ADAM23: variants seen among roughly 807,000 people sequenced by gnomAD.
ADAM23 encodes the protein ADAM metallopeptidase domain 23, also known as disintegrin and metalloproteinase domain-containing protein 23.
A neutral mutation model predicts 120.1 loss-of-function variants in ADAM23; 33 were observed. The observed-to-expected ratio is 0.27, with a 90% CI of 0.21 to 0.37. ADAM23 has a LOEUF of 0.37. Ranked by LOEUF, ADAM23 falls within the 10% of genes least tolerant of loss-of-function variation. The probability of loss-of-function intolerance (pLI) is 1.00; values close to 1 mark genes in which losing one functional copy is unlikely to be tolerated. For missense variants in ADAM23, 862 were observed against 1,058.2 expected (o/e 0.81, Z 2.57); for synonymous variants, 367 against 375.2 (o/e 0.98, Z 0.25).
chr2:206,456,146 A>T (rs1031440395), intron 2 of ADAM23, among the ~76,000 whole-genome samples: 3 of 152,152 alleles, frequency 2.0e-5, no homozygotes, highest in Non-Finnish European at 4.4e-5. Context: ...ACAGTTCCGT[A>T]AGCTATACAG....
intron 4 of ADAM23, among the ~76,000 whole-genome samples, chr2:206,538,462 T>C (rs1482195096): frequency 6.6e-6 from 1 of 152,180 alleles, no homozygotes; most frequent in African/African-American, 2.4e-5. Context: ...TCAGTAGTTT[T>C]TATTATTGTA....
chr2:206,509,664 G>A lies in ADAM23; in HGVS notation c.510-21221G>A, dbSNP rs189753656. Among the ~76,000 whole-genome samples the A allele has an allele frequency of 1.8e-3, 281 of 152,274 alleles. 2 individuals carry two copies. The highest frequency in any genetic ancestry group is 0.01 in the South Asian group (50 of 4,820). ...GGATTTCACCATGTTGGTTAGGCAC[G>A]TCTCAAACTCCTGACCTCAGGTGAT... is the stretch of plus-strand genomic sequence containing the variant. On this transcript the variant is annotated intron_variant, in intron 3 of 25. Transcript: ENST00000264377.
At chr2:206,539,405 C>T (rs911922249) in intron 4 of ADAM23, among the ~76,000 whole-genome samples, 6 of 152,194 alleles carry the variant, frequency 3.9e-5, no homozygotes, top group Admixed American at 6.5e-5. Context: ...TGACCCACTC[C>T]TAGGTGGTCA....
In ADAM23 at chr2:206,570,505, C is replaced by T. The variant is rs377730269; in HGVS notation, c.1495-235C>T. Among the ~76,000 whole-genome samples the T allele has an allele frequency of 3.4e-4, 51 of 152,216 alleles. 3 individuals carry two copies. Among genetic ancestry groups the T allele is most frequent in the East Asian group, 3.1e-3 (16 of 5,186 alleles). On this transcript the variant is annotated intron_variant, in intron 15 of 25. Coordinates refer to ENST00000264377, the MANE Select transcript of ADAM23 (RefSeq NM_003812.4). ...AATGCTAGAGTTCATCTGTGGAGCC[C>T]ACAGCCAGAGAATCCCCCAAGAGAT...
chr2:206,490,600 G>A (rs1480868675), intron 3 of ADAM23, among the ~76,000 whole-genome samples: 1 of 152,184 alleles, frequency 6.6e-6, no homozygotes, highest in East Asian at 1.9e-4. Context: ...ACTGTGCTGT[G>A]TGCAATATGA....
At chr2:206,541,425 TAGTC>T (rs1195395747) in intron 4 of ADAM23, among the ~76,000 whole-genome samples, 4 of 152,108 alleles carry the variant, frequency 2.6e-5, no homozygotes, top group Non-Finnish European at 4.4e-5. Context: ...AAAATGGAAT[TAGTC>T]AGAACATAAA....
rs1297928830 is a variant in ADAM23, at chr2:206,615,908, G to A, written c.2451-1671G>A. On this transcript the variant is annotated intron_variant, in intron 25 of 25. Coordinates refer to ENST00000264377, the MANE Select transcript of ADAM23 (RefSeq NM_003812.4). ...ACGACCTTGGACATGGCTACTTATCGGTCATTCCCGAATTTGAATAAAGGA... is the reference window on the plus strand; with the variant it reads ...ACGACCTTGGACATGGCTACTTATCAGTCATTCCCGAATTTGAATAAAGGA... 3.9e-5 allele frequency among the ~76,000 whole-genome samples: 6 copies of A among 152,180 alleles called. No homozygotes were observed. In the South Asian group the frequency reaches 1.0e-3, roughly 26 times the overall value.
chr2:206,611,659 C>T (rs375193443), intron 25 of ADAM23, among the ~76,000 whole-genome samples: 25 of 152,262 alleles, frequency 1.6e-4, no homozygotes, highest in African/African-American at 5.8e-4. Context: ...ATATGCAATG[C>T]CAAATTTATC....
intron 25 of ADAM23, among the ~76,000 whole-genome samples, chr2:206,615,674 A>G (rs1283421966): frequency 2.6e-5 from 4 of 152,218 alleles, no homozygotes; most frequent in African/African-American, 9.6e-5. Flanking sequence ...TCATCCAGAA[A>G]GATACAGTTC....
chr2:206,497,574 TC>T (rs1441879615), intron 3 of ADAM23, among the ~76,000 whole-genome samples: 2 of 152,078 alleles, frequency 1.3e-5, no homozygotes, highest in Non-Finnish European at 2.9e-5. Flanking sequence ...CTGGAAGCAT[TC>T]CCTTTGAAAA....
In ADAM23 at chr2:206,583,768, T is replaced by G. The variant is rs1004437830; in HGVS notation, c.1738-3557T>G. Among the ~76,000 whole-genome samples, 3 of 152,300 alleles carry G rather than the reference T, an allele frequency of 2.0e-5. No homozygotes were observed. In the East Asian group the frequency reaches 5.8e-4, roughly 29 times the overall value. On this transcript the variant is annotated intron_variant, in intron 18 of 25. Transcript: ENST00000264377. ...TGAATATTTCTCCCTTCTTCCATCA[T>G]TTTTTGGATTTCCTTGCTTTTGGCT...
At chr2:206,576,335 T>G (rs1698111561) in intron 18 of ADAM23, among the ~76,000 whole-genome samples, 1 of 152,114 alleles carries the variant, frequency 6.6e-6, no homozygotes, top group Non-Finnish European at 1.5e-5. Context: ...TTTAACTCTT[T>G]AAGTGCCATA....
chr2:206,526,534 G>A (rs1198460044), intron 3 of ADAM23, among the ~76,000 whole-genome samples: 11 of 152,142 alleles, frequency 7.2e-5, no homozygotes, highest in Non-Finnish European at 1.5e-4. Context: ...ATGCCATCTG[G>A]AGCATGTGGC....
chr2:206,447,052 C>G (rs757991254), intron 2 of ADAM23, among the ~76,000 whole-genome samples: 1 of 152,192 alleles, frequency 6.6e-6, no homozygotes, highest in South Asian at 2.1e-4. Flanking sequence ...AAAGAATGCT[C>G]AAGCCCTCCT....
intron 3 of ADAM23, among the ~76,000 whole-genome samples, chr2:206,482,529 A>G (rs921690433): frequency 8.5e-5 from 13 of 152,224 alleles, no homozygotes; most frequent in African/African-American, 3.1e-4. Context: ...TATCTCAGCC[A>G]TAGCAGAGCC....
intron 3 of ADAM23, among the ~76,000 whole-genome samples, chr2:206,507,940 C>T (rs1213850335): frequency 3.9e-5 from 6 of 152,248 alleles, no homozygotes; most frequent in African/African-American, 1.4e-4. Flanking sequence ...TTGGGCTTCC[C>T]TCATTTCTAG....
intron 3 of ADAM23, among the ~76,000 whole-genome samples, chr2:206,503,891 CTG>C (rs1369571012): frequency 6.6e-6 from 1 of 152,136 alleles, no homozygotes; most frequent in East Asian, 1.9e-4. Flanking sequence ...ACACAGTTGT[CTG>C]TGCTGCAACT....
chr2:206,517,526 T>C lies in ADAM23; in HGVS notation c.510-13359T>C, dbSNP rs569222216. ...AGAACTGTGGATGCAATGTGGTGCC[T>C]GTCCTTTTTATGGGATGGTTATTTT... On this transcript the variant is annotated intron_variant, in intron 3 of 25. Transcript: ENST00000264377. Among the ~76,000 whole-genome samples, 10 of 152,326 alleles carry C rather than the reference T, an allele frequency of 6.6e-5. No individual in the cohort carries two copies. The South Asian group carries it at 2.1e-3, about 32-fold the overall frequency.
chr2:206,619,253 T>C lies in ADAM23; in HGVS notation c.*1626T>C, dbSNP rs1254356082. ...GATTCTACTATATACAAATCCACAT[T>C]GTTCTTCTCCCTCCAGCCAGATTTG... On this transcript the variant is annotated 3_prime_UTR_variant, in exon 26 of 26. Coordinates refer to ENST00000264377, the MANE Select transcript of ADAM23 (RefSeq NM_003812.4). 1 of 152,234 alleles carries C rather than the reference T, an allele frequency of 6.6e-6. No homozygotes were observed. Among genetic ancestry groups the C allele is most frequent in the Non-Finnish European group, 1.5e-5 (1 of 68,042 alleles). The allele number at this position is 152,234 out of a possible 1,614,324, so 9.4% of individuals were successfully genotyped here. A position where few individuals can be genotyped will look rare whatever the true frequency, so the allele number is the denominator to read the frequency against.
Sources: allele counts gnomAD v4.1 joint callset (sites outside exome capture counted in the v4.1 genomes callset), GRCh38; gene constraint gnomAD v4.1.1; transcripts MANE v1.5; gene names NCBI Gene and HGNC (gene_info 2026-07-23, HGNC 2026-07-21).